CAMK1D: variants seen among roughly 807,000 people sequenced by gnomAD.
CAMK1D encodes calcium/calmodulin-dependent protein kinase type 1D.
CAMK1D carries 9 observed loss-of-function variants against 47.7 expected under a neutral mutation model. The ratio of observed to expected loss-of-function variants is 0.19; its 90% CI spans 0.11 to 0.33. CAMK1D has a LOEUF of 0.33. CAMK1D is among the 10% of genes least tolerant of loss of function. CAMK1D has a pLI of 1.00. For missense variants in CAMK1D, 291 were observed against 488.7 expected (o/e 0.60, Z 3.81); for synonymous variants, 184 against 184.9 (o/e 0.99, Z 0.04).
intron 6 of CAMK1D, among the ~76,000 whole-genome samples, chr10:12,803,419 C>G (rs1181968451): frequency 6.6e-6 from 1 of 152,188 alleles, no homozygotes; most frequent in Admixed American, 6.5e-5. Context: ...GTGTGGCTCA[C>G]ACCTGTAATC....
chr10:12,637,317 T>G (rs1192937152), intron 2 of CAMK1D, among the ~76,000 whole-genome samples: 9 of 152,196 alleles, frequency 5.9e-5, no homozygotes, highest in Admixed American at 5.9e-4. Context: ...ATTTCTAAAA[T>G]ACGACTACTG....
intron 1 of CAMK1D, among the ~76,000 whole-genome samples, chr10:12,519,363 A>T (rs1189870283): frequency 5.8e-4 from 8 of 13,832 alleles, no homozygotes; most frequent in Non-Finnish European, 4.1e-4. Context: ...TGACCCCCCC[A>T]CCTCCCTCCC....
chr10:12,435,782 C>T (rs1588482913), intron 1 of CAMK1D, among the ~76,000 whole-genome samples: 3 of 152,214 alleles, frequency 2.0e-5, no homozygotes, highest in Admixed American at 6.5e-5. Context: ...TAGAACTCAG[C>T]GGTGAGCTCT....
intron 1 of CAMK1D, among the ~76,000 whole-genome samples, chr10:12,411,416 C>T (rs1194227055): frequency 5.9e-5 from 9 of 152,048 alleles, no homozygotes; most frequent in Admixed American, 2.6e-4. Context: ...AGATGGTCGG[C>T]GTTTGGGTCA....
rs1431046744 is a variant in CAMK1D, at chr10:12,548,183, TC to T, written c.93-5041del. Among the ~76,000 whole-genome samples, 6 of 152,218 alleles carry T rather than the reference TC, an allele frequency of 3.9e-5. 1 individual carries two copies. Among genetic ancestry groups the T allele is most frequent in the African/African-American group, 1.4e-4 (6 of 41,462 alleles). ...AAATGGAGATGACAGTAACTTCTTGTCTGCTTCATGGGGTCGCTGTAAGGAG... is the reference window on the plus strand; with the variant it reads ...AAATGGAGATGACAGTAACTTCTTGTTGCTTCATGGGGTCGCTGTAAGGAG... On this transcript the variant is annotated intron_variant, in intron 1 of 10. Coordinates refer to ENST00000619168, the MANE Select transcript of CAMK1D (RefSeq NM_153498.4).
rs1839849869 is a variant in CAMK1D, at chr10:12,416,313, C to T, written c.92+66403C>T. Among the ~76,000 whole-genome samples, 3 of 152,210 alleles carry T rather than the reference C, an allele frequency of 2.0e-5. No homozygotes were observed. In the South Asian group the frequency reaches 6.2e-4, roughly 32 times the overall value. ...TTTTATGGAATTATGCATGCAATGC[C>T]ATTTGCATTTGCTGAGATTTTGTAT... is the stretch of plus-strand genomic sequence containing the variant. On this transcript the variant is annotated intron_variant, in intron 1 of 10. Coordinates refer to ENST00000619168, the MANE Select transcript of CAMK1D (RefSeq NM_153498.4).
intron 1 of CAMK1D, among the ~76,000 whole-genome samples, chr10:12,441,731 A>G (rs538166176): frequency 1.3e-5 from 2 of 152,170 alleles, no homozygotes; most frequent in Non-Finnish European, 2.9e-5. Context: ...GAATCGCTTC[A>G]ACCCAGGAGT....
At chr10:12,564,574 C>T (rs1170085599) in intron 2 of CAMK1D, among the ~76,000 whole-genome samples, 1 of 152,104 alleles carries the variant, frequency 6.6e-6, no homozygotes, top group Non-Finnish European at 1.5e-5. Context: ...AGGTCAGAGG[C>T]TCTGATGATT....
intron 2 of CAMK1D, among the ~76,000 whole-genome samples, chr10:12,606,021 T>G (rs1838449369): frequency 6.6e-6 from 1 of 152,130 alleles, no homozygotes; most frequent in South Asian, 2.1e-4. Context: ...AGGCCTGACT[T>G]CTAGGGCACA....
intron 2 of CAMK1D, among the ~76,000 whole-genome samples, chr10:12,641,068 C>G (rs1243775219): frequency 1.3e-5 from 2 of 152,056 alleles, no homozygotes; most frequent in East Asian, 3.9e-4. Context: ...CTCCTGGGTT[C>G]AAGCAATTCT....
rs1408620168 is a variant in CAMK1D at position 12,791,032 on chromosome 10, G to C, written c.566-126G>C. 4 of 752,036 alleles carry C rather than the reference G, an allele frequency of 5.3e-6. No individual in the cohort carries two copies. The South Asian group carries it at 6.9e-5, about 13-fold the overall frequency. The allele number at this position is 752,036 out of a possible 1,614,324, so 46.6% of individuals were successfully genotyped here. On this transcript the variant is annotated intron_variant, in intron 5 of 10. Transcript: ENST00000619168. ...AAAAAAAAAGCCAACACATAAAATGGGTTATGTCTCTCTACTCAGTTTTTA... is the reference window on the plus strand; with the variant it reads ...AAAAAAAAAGCCAACACATAAAATGCGTTATGTCTCTCTACTCAGTTTTTA...
At chr10:12,484,149 A>G (rs1306143220) in intron 1 of CAMK1D, among the ~76,000 whole-genome samples, 21 of 152,142 alleles carry the variant, frequency 1.4e-4, no homozygotes. Flanking sequence ...GTCACCCATG[A>G]GCTTTGCAAT....
chr10:12,714,430 G>A (rs1834041960), intron 3 of CAMK1D, among the ~76,000 whole-genome samples: 1 of 151,766 alleles, frequency 6.6e-6, no homozygotes, highest in South Asian at 2.1e-4. Context: ...TTATAAATAG[G>A]TGCATTAAGG....
chr10:12,401,987 C>T lies in CAMK1D; in HGVS notation c.92+52077C>T, dbSNP rs151272282. Among the ~76,000 whole-genome samples the T allele has an allele frequency of 2.8e-4, 42 of 151,958 alleles. 2 individuals carry two copies. Among genetic ancestry groups the T allele is most frequent in the African/African-American group, 9.9e-4 (41 of 41,448 alleles). On this transcript the variant is annotated intron_variant, in intron 1 of 10. Transcript: ENST00000619168. ...CTCCGCTCATTGCAACCTCCGCCTG[C>T]CGGGTTCAAGCTATTCTCATGCCTC...
chr10:12,596,498 G>A (rs1286437613), intron 2 of CAMK1D, among the ~76,000 whole-genome samples: 1 of 152,118 alleles, frequency 6.6e-6, no homozygotes, highest in Non-Finnish European at 1.5e-5. Context: ...AGGAACCCAA[G>A]GTGCTGGAGC....
At chr10:12,470,493 A>T (rs1453891730) in intron 1 of CAMK1D, among the ~76,000 whole-genome samples, 1 of 151,354 alleles carries the variant, frequency 6.6e-6, no homozygotes, top group Non-Finnish European at 1.5e-5. Context: ...AATACTGTGT[A>T]TGCTTCTTCT....
chr10:12,719,769 A>G (rs188785999), intron 3 of CAMK1D, among the ~76,000 whole-genome samples: 4 of 152,338 alleles, frequency 2.6e-5, no homozygotes, highest in Admixed American at 6.5e-5. Flanking sequence ...GCTGTTTCAC[A>G]GTTATCCCAG....
chr10:12,367,800 T>G (rs1837882605), intron 1 of CAMK1D, among the ~76,000 whole-genome samples: 1 of 152,138 alleles, frequency 6.6e-6, no homozygotes, highest in African/African-American at 2.4e-5. Context: ...CTTTGCTTGG[T>G]TGCCGGCTGC....
chr10:12,585,850 C>T (rs1837801502), intron 2 of CAMK1D, among the ~76,000 whole-genome samples: 1 of 152,180 alleles, frequency 6.6e-6, no homozygotes, highest in African/African-American at 2.4e-5. Flanking sequence ...CATCTCGATC[C>T]TTCGGACACT....
Sources: gnomAD v4.1 joint callset for allele counts (sites outside exome capture counted in the v4.1 genomes callset) on GRCh38, gnomAD v4.1.1 for gene constraint, MANE v1.5 for transcripts, NCBI Gene and HGNC (gene_info 2026-07-23, HGNC 2026-07-21) for gene names.